NTRK1: variants seen among roughly 807,000 people sequenced by gnomAD.
The protein encoded by NTRK1 is high affinity nerve growth factor receptor.
NTRK1 carries 62 observed loss-of-function variants against 86.8 expected under a neutral mutation model. The observed-to-expected ratio is 0.71, with a 90% confidence interval of 0.58 to 0.88. The LOEUF is 0.88. Among genes scored for constraint, NTRK1 ranks in the 40% least tolerant of loss-of-function variants. The pLI, the probability that NTRK1 is intolerant of heterozygous loss-of-function variation, is 0.00. For missense variants in NTRK1, 967 were observed against 1,078.4 expected (o/e 0.90, Z 1.45); for synonymous variants, 469 against 456.6 (o/e 1.03, Z -0.35).
chr1:156,844,532 C>T (rs1355895671), intron 2 of NTRK1: 1 of 1,614,148 alleles, frequency 6.2e-7, no homozygotes, highest in Non-Finnish European at 8.5e-7. Context: ...TTGCCCTAAC[C>T]CTGGCAGAGT....
At chr1:156,851,189 G>A (rs775921652) in intron 2 of NTRK1, 6 of 1,350,110 alleles carry the variant, frequency 4.4e-6, no homozygotes, top group Non-Finnish European at 6.4e-6. Flanking sequence ...CGCCTAGTGA[G>A]TAGCAAAATT....
intron 2 of NTRK1, chr1:156,851,702 T>C (rs759782884): frequency 6.2e-7 from 1 of 1,614,172 alleles, no homozygotes; most frequent in Non-Finnish European, 8.5e-7. Context: ...GCCCACAAGA[T>C]CCTGTGCCGC....
intron 14 of NTRK1, among the ~76,000 whole-genome samples, chr1:156,878,535 T>A (rs1453229686): frequency 6.6e-6 from 1 of 152,132 alleles, no homozygotes; most frequent in Non-Finnish European, 1.5e-5. Context: ...TTTGGCAAAG[T>A]GATCAGTTCA....
In NTRK1 at chr1:156,866,050, A is replaced by C. The variant is rs76289954; in HGVS notation, c.360-860A>C. On this transcript the variant is annotated intron_variant, in intron 3 of 16. Transcript: ENST00000524377. ...CCATTTCATAGATGAGAATTCTGAG[A>C]ATCAGAGAGGTTGAGTTTCTGGACT... Among the ~76,000 whole-genome samples the C allele has an allele frequency of 5.4e-4, 83 of 152,336 alleles. 2 individuals carry two copies. The East Asian group carries it at 0.015, about 27-fold the overall frequency.
intron 1 of NTRK1, among the ~76,000 whole-genome samples, chr1:156,824,548 G>A (rs1006611721): frequency 1.3e-5 from 2 of 152,142 alleles, no homozygotes; most frequent in South Asian, 4.1e-4. Flanking sequence ...TGCCTTGGAC[G>A]TCCAACCTTA....
At chr1:156,844,030 G>A in intron 2 of NTRK1, 1 of 635,358 alleles carries the variant, frequency 1.6e-6, no homozygotes, top group Non-Finnish European at 2.8e-6. Context: ...TGAGAGGTAT[G>A]TTTCCTCTGT....
intron 1 of NTRK1, among the ~76,000 whole-genome samples, chr1:156,826,610 A>G (rs1003893475): frequency 2.0e-5 from 3 of 152,208 alleles, no homozygotes; most frequent in African/African-American, 4.8e-5. Context: ...AGTTGAGGCT[A>G]GAGGCACACA....
Position 156,868,550 on chromosome 1 carries a change from TG to T in NTRK1, c.625del (p.Asp209ThrfsTer30). ...CAGGTGCCCAATGCCTCGGTGGATG[TG>T]GGGGACGACGTGCTGCTGCGGTGCC... ...KVQVPNASVDVGDDVLLRCQV... is the reference protein window; with the variant it reads ...KVQVPNASVDXGDDVLLRCQV... On this transcript the variant is annotated frameshift_variant, in exon 6 of 17. Coordinates refer to ENST00000524377, the MANE Select transcript of NTRK1 (RefSeq NM_002529.4). LOFTEE classifies it high-confidence loss of function. The T allele has an allele frequency of 1.3e-6, 2 of 1,557,562 alleles. No individual in the cohort carries two copies. The highest frequency in any genetic ancestry group is 8.7e-7 in the Non-Finnish European group (1 of 1,150,462).
At chr1:156,860,827 C>T (rs891982313), upstream of NTRK1, 4 of 1,344,398 alleles carry the variant, frequency 3.0e-6, no homozygotes, top group Non-Finnish European at 3.8e-6. Flanking sequence ...CCTTTCCTGG[C>T]GGCTGGGTCT....
chr1:156,858,852 T>C (rs930087045), upstream of NTRK1: 33 of 568,822 alleles, frequency 5.8e-5, no homozygotes, highest in Admixed American at 7.5e-4. Flanking sequence ...AGACTCAGCA[T>C]GAGATTGAGA....
chr1:156,830,079 G>A (rs1038075031), intron 1 of NTRK1, among the ~76,000 whole-genome samples: 9 of 152,248 alleles, frequency 5.9e-5, no homozygotes, highest in Non-Finnish European at 1.0e-4. Context: ...CACGCAGTGG[G>A]GCAGTCTCAG....
rs386368405 is a variant in NTRK1, at chr1:156,826,293, C to CT, written c.-64+10478dup. On this transcript the variant is annotated intron_variant, in intron 1 of 16. Coordinates refer to the NTRK1 transcript ENST00000392302. ...ACGTTGTCCAGGCTAGACTTGAGCTCTTTTTTTTTTTTTTTTTTTTTTTCT... is the reference window on the plus strand; with the variant it reads ...ACGTTGTCCAGGCTAGACTTGAGCTCTTTTTTTTTTTTTTTTTTTTTTTTCT... 2.0e-3 allele frequency among the ~76,000 whole-genome samples: 179 copies of CT among 88,434 alleles called. 23 individuals are homozygous for CT. Among genetic ancestry groups the CT allele is most frequent in the South Asian group, 0.017 (35 of 2,086 alleles). The allele number at this position is 88,434 out of a possible 152,430, so 58.0% of individuals were successfully genotyped here.
chr1:156,852,159 C>A (rs774672930), intron 2 of NTRK1: 3 of 1,606,476 alleles, frequency 1.9e-6, no homozygotes, highest in African/African-American at 2.7e-5. Flanking sequence ...TCGCCCCTCG[C>A]TGTGCAAGCC....
chr1:156,857,635 T>A (rs1179160632), upstream of NTRK1, among the ~76,000 whole-genome samples: 1 of 152,064 alleles, frequency 6.6e-6, no homozygotes, highest in Non-Finnish European at 1.5e-5. Context: ...CTAGCACCCT[T>A]TAGGGGACCT....
intron 8 of NTRK1, 112 bp from the exon 9 acceptor site, chr1:156,874,271 G>T (rs41422251): frequency 6.6e-7 from 1 of 1,513,616 alleles, no homozygotes; most frequent in Non-Finnish European, 9.2e-7. Flanking sequence ...ATCCCCCCTC[G>T]TCCCATGAAG....
At chr1:156,864,153 G>C (rs557366095) in intron 1 of NTRK1, among the ~76,000 whole-genome samples, 1 of 152,176 alleles carries the variant, frequency 6.6e-6, no homozygotes, top group African/African-American at 2.4e-5. Flanking sequence ...ACACACATGT[G>C]CATGTGTGAC....
chr1:156,853,642 A>G (rs1655306528), intron 2 of NTRK1: 2 of 1,110,464 alleles, frequency 1.8e-6, no homozygotes, highest in African/African-American at 1.6e-5. Flanking sequence ...AGTGAGGATT[A>G]AAAAACAGTG....
In NTRK1 at chr1:156,864,273, T is replaced by A. The variant is rs577849591; in HGVS notation, c.213-81T>A. 6 of 1,320,354 alleles carry A rather than the reference T, an allele frequency of 4.5e-6. No homozygotes were observed. In the Admixed American group the frequency reaches 1.0e-4, roughly 22 times the overall value. 81.8% of individuals were successfully genotyped at this position (1,320,354 alleles called of 1,614,324 possible). On this transcript the variant is annotated intron_variant, in intron 1 of 16. Transcript: ENST00000524377. ...CGTGTGCATGTGGCATGTGCATGTGTATTGTGAGGGAGTAAGTGGGTGGGC... is the reference window on the plus strand; with the variant it reads ...CGTGTGCATGTGGCATGTGCATGTGAATTGTGAGGGAGTAAGTGGGTGGGC...
At chr1:156,860,005 C>T (rs569041798), upstream of NTRK1, among the ~76,000 whole-genome samples, 1 of 152,230 alleles carries the variant, frequency 6.6e-6, no homozygotes, top group Non-Finnish European at 1.5e-5. Context: ...GCTCCACCCG[C>T]GGGCGGCTCC....
Sources: allele counts gnomAD v4.1 joint callset (sites outside exome capture counted in the v4.1 genomes callset), GRCh38; gene constraint gnomAD v4.1.1; transcripts MANE v1.5; gene names NCBI Gene and HGNC (gene_info 2026-07-23, HGNC 2026-07-21).